Variants in RASGRF1 observed in about 807,000 individuals in gnomAD.
The protein encoded by RASGRF1 is ras-specific guanine nucleotide-releasing factor 1.
Under a neutral mutation model 138.7 loss-of-function variants are expected in RASGRF1, and 40 were observed. The observed-to-expected ratio is 0.29, with a 90% CI of 0.22 to 0.38. The LOEUF (loss-of-function observed/expected upper bound fraction) is 0.38. Ranked by LOEUF, RASGRF1 falls within the 10% of genes least tolerant of loss-of-function variation. The pLI is 1.00. For synonymous variants in RASGRF1, 614 were observed against 663.2 expected, an observed-to-expected ratio of 0.93 and a Z score of 1.14; for missense variants, 1,108 against 1,650.4, an observed-to-expected ratio of 0.67 and a Z score of 5.69.
At chr15:79,010,032 GT>G (rs1002867378) in intron 13 of RASGRF1, among the ~76,000 whole-genome samples, 4,154 of 128,780 alleles carry the variant, frequency 0.032, 76 homozygotes, top group South Asian at 0.043. Flanking sequence ...CTCTTTGTTT[GT>G]TTTTTTTTTT....
intron 11 of RASGRF1, among the ~76,000 whole-genome samples, chr15:79,019,720 G>A (rs1384103984): frequency 6.6e-6 from 1 of 152,228 alleles, no homozygotes; most frequent in African/African-American, 2.4e-5. Context: ...ACCTAACAGT[G>A]CCAACTGGTC....
intron 3 of RASGRF1, among the ~76,000 whole-genome samples, chr15:79,051,293 C>T (rs562434851): frequency 1.7e-4 from 26 of 152,344 alleles, no homozygotes; most frequent in African/African-American, 6.3e-4. Context: ...AAAATTACCG[C>T]AGCCTGTGAT....
chr15:79,059,823 T>C (rs2057573145), intron 2 of RASGRF1, among the ~76,000 whole-genome samples: 2 of 152,182 alleles, frequency 1.3e-5, no homozygotes, highest in East Asian at 1.9e-4. Context: ...CTCTACATGA[T>C]ATTAATACAC....
intron 22 of RASGRF1, chr15:78,985,546 A>C: frequency 5.0e-6 from 1 of 198,210 alleles, no homozygotes; most frequent in Non-Finnish European, 1.0e-5. Context: ...ATAACAGAGA[A>C]AGAGATCAAA....
intron 3 of RASGRF1, among the ~76,000 whole-genome samples, chr15:79,049,960 T>C (rs978854824): frequency 6.6e-6 from 1 of 152,152 alleles, no homozygotes; most frequent in Non-Finnish European, 1.5e-5. Flanking sequence ...AACCGGTCCC[T>C]TTTTTTAAAA....
Position 78,985,040 on chromosome 15 carries a change from C to G in RASGRF1, c.3381G>C (p.Arg1127=). Residue 1127 remains arginine, a synonymous_variant, in exon 23 of 27, where the codon CGG becomes CGC. Coordinates refer to ENST00000558480, the MANE Select transcript of RASGRF1 (RefSeq NM_001145648.3). ...TSSMNRSAIF[R]LKKTWLKVSK... ...AGACTTTGAGCCACGTCTTTTTGAG[C>G]CGGAAGATTGCACTGCGGTTCATGG... The G allele has an allele frequency of 6.2e-7, 1 of 1,614,138 alleles. No individual in the cohort carries two copies.
At position 78,980,878 on chromosome 15, in the gene RASGRF1, G is replaced by A. The variant is rs569866787; in HGVS notation, c.3415-179C>T. The stretch of plus-strand genomic sequence containing the variant: ...CCTGAACTCCTCAGGAGTTGGGCAC[G>A]GGTCCTTGTTGAGTGTGCCTGTGCT... On this transcript the variant is annotated intron_variant, in intron 23 of 26. Coordinates refer to ENST00000558480, the MANE Select transcript of RASGRF1 (RefSeq NM_001145648.3). The A allele has an allele frequency of 4.9e-4, 220 of 451,928 alleles. 7 individuals are homozygous for A. The South Asian group carries it at 0.011, about 22-fold the overall frequency. 28.0% of individuals were successfully genotyped at this position (451,928 alleles called of 1,614,324 possible).
chr15:78,976,674 G>A (rs149673771), intron 24 of RASGRF1, among the ~76,000 whole-genome samples: 3 of 152,322 alleles, frequency 2.0e-5, no homozygotes, highest in African/African-American at 7.2e-5. Context: ...GGGACACACG[G>A]CATAGGGACT....
chr15:79,053,273 C>T (rs1288781749), intron 3 of RASGRF1, among the ~76,000 whole-genome samples: 1 of 152,120 alleles, frequency 6.6e-6, no homozygotes, highest in Non-Finnish European at 1.5e-5. Flanking sequence ...GAAAAACCAA[C>T]CCAAAACTGA....
intron 26 of RASGRF1, 75 bp downstream of exon 26, chr15:78,971,791 G>A (rs2055766045): frequency 1.5e-6 from 2 of 1,348,358 alleles, no homozygotes; most frequent in Non-Finnish European, 2.1e-6. Flanking sequence ...CGGGTATGGA[G>A]GGGACAGGGT....
intron 24 of RASGRF1, among the ~76,000 whole-genome samples, chr15:78,976,042 G>C (rs752763748): frequency 9.9e-5 from 15 of 152,154 alleles, no homozygotes; most frequent in Non-Finnish European, 1.9e-4. Flanking sequence ...CGGGAGGCCT[G>C]GTGACTGCAA....
chr15:79,022,851 A>C (rs2056980680), intron 10 of RASGRF1, among the ~76,000 whole-genome samples: 2 of 152,134 alleles, frequency 1.3e-5, no homozygotes, highest in African/African-American at 4.8e-5. Context: ...GTCTGGAAGA[A>C]TGGTTTATCT....
intron 3 of RASGRF1, among the ~76,000 whole-genome samples, chr15:79,057,603 G>T (rs2057527629): frequency 6.6e-6 from 1 of 152,202 alleles, no homozygotes; most frequent in Admixed American, 6.5e-5. Flanking sequence ...TGCCAGGGTT[G>T]ATAGCTGGTG....
chr15:79,089,500 C>T (rs577824514), intron 1 of RASGRF1, among the ~76,000 whole-genome samples: 3 of 152,240 alleles, frequency 2.0e-5, no homozygotes, highest in Non-Finnish European at 4.4e-5. Flanking sequence ...GCGGCGGCGG[C>T]GCAGGGGGCG....
chr15:78,968,611 A>C (rs781317287), intron 26 of RASGRF1, among the ~76,000 whole-genome samples: 7 of 152,100 alleles, frequency 4.6e-5, no homozygotes, highest in Non-Finnish European at 7.3e-5. Context: ...TTTTAATTGA[A>C]AATATTTTAT....
chr15:78,988,702 G>A (rs1025838139), intron 22 of RASGRF1, among the ~76,000 whole-genome samples: 21 of 152,192 alleles, frequency 1.4e-4, no homozygotes, highest in Non-Finnish European at 2.8e-4. Context: ...CTCTTTCCTC[G>A]TGTTGATGAT....
intron 2 of RASGRF1, among the ~76,000 whole-genome samples, chr15:79,059,998 A>T (rs865874379): frequency 8.3e-6 from 1 of 120,878 alleles, no homozygotes; most frequent in African/African-American, 3.3e-5. Flanking sequence ...ACAGACACAC[A>T]CACACACACA....
chr15:79,009,935 G>A (rs1395552788), intron 13 of RASGRF1, among the ~76,000 whole-genome samples: 2 of 151,868 alleles, frequency 1.3e-5, no homozygotes, highest in South Asian at 4.2e-4. Flanking sequence ...GTGTTGCCCA[G>A]GCTGGTCTGG....
chr15:78,971,168 C>CCCTGG (rs1267385145), intron 26 of RASGRF1, among the ~76,000 whole-genome samples: 1 of 152,194 alleles, frequency 6.6e-6, no homozygotes, highest in Non-Finnish European at 1.5e-5. Context: ...GCAGCACAGA[C>CCCTGG]CCTGGGATCC....
Sources: allele counts gnomAD v4.1 joint callset (sites outside exome capture counted in the v4.1 genomes callset), GRCh38; gene constraint gnomAD v4.1.1; transcripts MANE v1.5; gene names NCBI Gene and HGNC (gene_info 2026-07-23, HGNC 2026-07-21).